Variants in NLRP5 observed in about 807,000 individuals in gnomAD.
NLRP5 encodes NACHT, LRR and PYD domains-containing protein 5.
Under a neutral mutation model 113.1 loss-of-function variants are expected in NLRP5, and 93 were observed. The observed-to-expected ratio is 0.82, with a 90% CI of 0.70 to 0.98. NLRP5 has a LOEUF of 0.98. NLRP5 is among the 50% of genes least tolerant of loss of function. NLRP5 has a pLI of 0.00. For missense variants in NLRP5, 1,808 were observed against 1,514.3 expected, an observed-to-expected ratio of 1.19 and a Z score of -3.22; for synonymous variants, 751 against 600.7, an observed-to-expected ratio of 1.25 and a Z score of -3.66.
chr19:56,061,319 G>A (rs2123350205), intron 14 of NLRP5, 77 bp from the exon 15 acceptor site: 1 of 1,526,376 alleles, frequency 6.6e-7, no homozygotes, highest in Non-Finnish European at 8.9e-7. Flanking sequence ...TCCTTGATGA[G>A]GCTACCAGGA....
At chr19:56,041,385 G>A (rs1016957269) in intron 11 of NLRP5, among the ~76,000 whole-genome samples, 1 of 152,150 alleles carries the variant, frequency 6.6e-6, no homozygotes, top group Non-Finnish European at 1.5e-5. Context: ...AGCCAGCATG[G>A]AGCCATTGCC....
upstream of NLRP5, among the ~76,000 whole-genome samples, chr19:55,998,690 A>ATGTGTGTGTGTGTGTGTG (rs760041369): frequency 5.3e-5 from 3 of 56,268 alleles, no homozygotes; most frequent in African/African-American, 3.3e-4. Context: ...ATATATATAT[A>ATGTGTGTGTGTGTGTGTG]TATATATATA....
At position 56,027,122 on chromosome 19, in the gene NLRP5, A is replaced by C; in HGVS notation, c.889A>C (p.Arg297=). ...AGGAATTGGGAAATCGGCTCTAGCCAGAAGGATCGTGCTGTGCTGGGCGCA... is the reference window on the plus strand; with the variant it reads ...AGGAATTGGGAAATCGGCTCTAGCCCGAAGGATCGTGCTGTGCTGGGCGCA... The change falls in exon 7 of 15, where the codon AGA becomes CGA. Residue 297 remains arginine, a synonymous_variant. Coordinates refer to ENST00000390649, the MANE Select transcript of NLRP5 (RefSeq NM_153447.4). The C allele has an allele frequency of 6.3e-7, 1 of 1,590,614 alleles. No individual in the cohort carries two copies. The highest frequency in any genetic ancestry group is 8.6e-7 in the Non-Finnish European group (1 of 1,168,614).
intron 13 of NLRP5, among the ~76,000 whole-genome samples, chr19:56,055,974 A>G (rs985909178): frequency 5.3e-5 from 8 of 152,178 alleles, no homozygotes; most frequent in African/African-American, 1.9e-4. Flanking sequence ...TGAGAATCAC[A>G]GGATCAAAAC....
upstream of NLRP5, among the ~76,000 whole-genome samples, chr19:55,999,358 G>A (rs1981528170): frequency 6.6e-6 from 1 of 151,762 alleles, no homozygotes; most frequent in South Asian, 2.1e-4. Context: ...GGGGTTACAG[G>A]TGCGCGCCAC....
intron 3 of NLRP5, among the ~76,000 whole-genome samples, chr19:56,009,690 C>T (rs942915953): frequency 6.6e-6 from 1 of 152,178 alleles, no homozygotes; most frequent in African/African-American, 2.4e-5. Flanking sequence ...GAAAGGCAGG[C>T]TGCATAGACA....
chr19:56,037,061 C>T (rs894674877), intron 9 of NLRP5, among the ~76,000 whole-genome samples: 3 of 152,182 alleles, frequency 2.0e-5, no homozygotes, highest in Admixed American at 6.5e-5. Context: ...TCACAACCAT[C>T]GCTGAGGTTG....
At chr19:55,988,941 C>G in the NLRP5 span, among the ~76,000 whole-genome samples, 2 of 152,022 alleles carry the variant, frequency 1.3e-5, no homozygotes, top group African/African-American at 4.8e-5. Flanking sequence ...CTTAATTGTT[C>G]TGTGGTCAGG....
chr19:56,047,235 C>A (rs1467470843), intron 11 of NLRP5, among the ~76,000 whole-genome samples: 1 of 152,098 alleles, frequency 6.6e-6, no homozygotes, highest in Non-Finnish European at 1.5e-5. Flanking sequence ...TTCAGTTTCA[C>A]TTAATTCTGC....
chr19:55,993,001 C>T, the NLRP5 span, among the ~76,000 whole-genome samples: 3 of 151,994 alleles, frequency 2.0e-5, no homozygotes, highest in African/African-American at 4.8e-5. Context: ...GGGCACCTGC[C>T]ACCATGCCTG....
At chr19:56,024,385 A>AC (rs1027108312) in intron 6 of NLRP5, among the ~76,000 whole-genome samples, 29 of 130,094 alleles carry the variant, frequency 2.2e-4, no homozygotes, top group African/African-American at 6.3e-4. Context: ...GTGTATATAT[A>AC]ACATATATAC....
chr19:56,027,976 C>A lies in NLRP5; in HGVS notation c.1743C>A (p.Thr581=), dbSNP rs766870522. 2.8e-5 allele frequency: 45 copies of A among 1,613,954 alleles called. No homozygotes were observed. The highest frequency in any genetic ancestry group is 3.3e-4 in the Middle Eastern group (2 of 6,062). The change falls in exon 7 of 15, where the codon ACC becomes ACA. Residue 581 remains threonine, a synonymous_variant. Coordinates refer to ENST00000390649, the MANE Select transcript of NLRP5 (RefSeq NM_153447.4). ...ACAGCCACTGTGAGGAGTACTACAC[C>A]TTCTTCCACCTCAGTCTCCAGGACT... is the stretch of plus-strand genomic sequence containing the variant.
intron 11 of NLRP5, among the ~76,000 whole-genome samples, chr19:56,042,271 AC>A (rs1983549653): frequency 6.8e-6 from 1 of 147,524 alleles, no homozygotes; most frequent in Non-Finnish European, 1.5e-5. Context: ...TGCTAGTGAT[AC>A]AGACACAATA....
intron 13 of NLRP5, among the ~76,000 whole-genome samples, chr19:56,055,533 CTGTCT>C (rs1189130581): frequency 4.0e-5 from 4 of 99,496 alleles, no homozygotes; most frequent in Non-Finnish European, 8.3e-5. Flanking sequence ...TTTTCTTTCT[CTGTCT>C]TTTTTTTTTT....
At chr19:56,013,973 C>G (rs1241972830) in intron 3 of NLRP5, among the ~76,000 whole-genome samples, 1 of 151,884 alleles carries the variant, frequency 6.6e-6, no homozygotes, top group East Asian at 1.9e-4. Flanking sequence ...TATTCAAATC[C>G]TTGGTCCTTT....
chr19:56,047,453 G>T (rs1466705619), intron 11 of NLRP5, among the ~76,000 whole-genome samples: 1 of 84,828 alleles, frequency 1.2e-5, no homozygotes, highest in African/African-American at 4.3e-5. Context: ...TCAGTCTGAA[G>T]AATTTTTTAA....
rs920311599 is a variant in NLRP5, at chr19:56,053,797, G to C, written c.3288G>C (p.Leu1096=). ...GACTGAAGCAAAAGAACAGTGTTCT[G>C]GCGAGACTCGGGTAACTTCCTGGGG... The change falls in exon 13 of 15, where the codon CTG becomes CTC. Residue 1096 remains leucine (L), a synonymous_variant. Transcript: ENST00000390649. 3 of 1,613,570 alleles carry C rather than the reference G, an allele frequency of 1.9e-6. No individual in the cohort carries two copies. The highest frequency in any genetic ancestry group is 2.5e-6 in the Non-Finnish European group (3 of 1,179,614).
Position 56,016,411 on chromosome 19 carries a change from C to G in NLRP5, c.565+613C>G, listed in dbSNP as rs530761821. On this transcript the variant is annotated intron_variant, in intron 4 of 14. Transcript: ENST00000390649. ...CAGGTGATCCACCCACCTCAGCCTC[C>G]CAAAGTGCTGGGATTACAAGCTTGA... Among the ~76,000 whole-genome samples, 5 of 152,218 alleles carry G rather than the reference C, an allele frequency of 3.3e-5. No homozygotes were observed. The East Asian group carries it at 7.7e-4, about 24-fold the overall frequency.
At chr19:55,992,990 C>T in the NLRP5 span, among the ~76,000 whole-genome samples, 10 of 151,996 alleles carry the variant, frequency 6.6e-5, no homozygotes, top group South Asian at 4.2e-4. Flanking sequence ...GCTGGGATTA[C>T]GGGCACCTGC....
Sources: allele counts gnomAD v4.1 joint callset (sites outside exome capture counted in the v4.1 genomes callset), GRCh38; gene constraint gnomAD v4.1.1; transcripts MANE v1.5; gene names NCBI Gene and HGNC (gene_info 2026-07-23, HGNC 2026-07-21).